Variants in RASAL2 observed in about 807,000 individuals in gnomAD.
RASAL2 encodes RAS protein activator like 2.
RASAL2 carries 58 observed loss-of-function variants against 128.9 expected under a neutral mutation model. That is an observed-to-expected ratio of 0.45 (90% CI 0.36 to 0.56). RASAL2 has a LOEUF of 0.56. RASAL2 is among the 20% of genes least tolerant of loss of function. The pLI is 0.00. For missense variants in RASAL2, 1,360 were observed against 1,601.6 expected, an observed-to-expected ratio of 0.85 and a Z score of 2.57; for synonymous variants, 561 against 580.8, an observed-to-expected ratio of 0.97 and a Z score of 0.49.
intron 1 of RASAL2, among the ~76,000 whole-genome samples, chr1:178,265,537 A>G (rs1665908026): frequency 6.6e-6 from 1 of 152,252 alleles, no homozygotes; most frequent in Non-Finnish European, 1.5e-5. Flanking sequence ...CTAAAAGAGT[A>G]GGTATTTTTA....
intron 3 of RASAL2, among the ~76,000 whole-genome samples, chr1:178,380,556 A>T (rs1310972246): frequency 6.6e-6 from 1 of 152,208 alleles, no homozygotes; most frequent in Non-Finnish European, 1.5e-5. Context: ...AGTCATGATT[A>T]TAAGCACATG....
At chr1:178,396,566 A>T (rs1216526855) in intron 4 of RASAL2, among the ~76,000 whole-genome samples, 1 of 152,072 alleles carries the variant, frequency 6.6e-6, no homozygotes, top group Non-Finnish European at 1.5e-5. Context: ...ATATATATAT[A>T]TTTTGGTCTT....
At position 178,382,077 on chromosome 1, in the gene RASAL2, T is replaced by A. The variant is rs74131336; in HGVS notation, c.458-8023T>A. Among the ~76,000 whole-genome samples the A allele has an allele frequency of 5.5e-3, 845 of 152,332 alleles. 11 individuals carry two copies. Among genetic ancestry groups the A allele is most frequent in the African/African-American group, 0.019 (790 of 41,580 alleles). On this transcript the variant is annotated intron_variant, in intron 3 of 17. Coordinates refer to ENST00000367649, the MANE Select transcript of RASAL2 (RefSeq NM_170692.4). ...CTAAAATATTAATGCTTTTTATCTC[T>A]GTTCATCTCATACAACTTATCTAAG...
chr1:178,378,052 A>G (rs1672085942), intron 3 of RASAL2, among the ~76,000 whole-genome samples: 1 of 151,990 alleles, frequency 6.6e-6, no homozygotes, highest in Admixed American at 6.5e-5. Flanking sequence ...GGAAAAAAAT[A>G]GAAAATACAG....
At chr1:178,455,243 C>T (rs1677686293) in intron 12 of RASAL2, among the ~76,000 whole-genome samples, 2 of 152,220 alleles carry the variant, frequency 1.3e-5, no homozygotes, top group East Asian at 1.9e-4. Context: ...CCATGCCAAT[C>T]ATTTTCTTCC....
chr1:178,405,716 G>A (rs1259088579), intron 4 of RASAL2, among the ~76,000 whole-genome samples: 1 of 152,156 alleles, frequency 6.6e-6, no homozygotes, highest in Non-Finnish European at 1.5e-5. Context: ...ACTTCTGATC[G>A]ATAGAACTGT....
At chr1:178,279,717 T>G (rs546897785) in intron 1 of RASAL2, among the ~76,000 whole-genome samples, 1 of 152,140 alleles carries the variant, frequency 6.6e-6, no homozygotes, top group Non-Finnish European at 1.5e-5. Flanking sequence ...ACTTATCACT[T>G]CAGGGAAACA....
intron 1 of RASAL2, among the ~76,000 whole-genome samples, chr1:178,249,339 G>C (rs566758136): frequency 6.6e-6 from 1 of 151,786 alleles, no homozygotes; most frequent in Admixed American, 6.6e-5. Flanking sequence ...TTCAGCTATA[G>C]ATACTTGTGT....
chr1:178,189,031 G>C (rs1025762284), intron 1 of RASAL2, among the ~76,000 whole-genome samples: 1 of 152,092 alleles, frequency 6.6e-6, no homozygotes, highest in Non-Finnish European at 1.5e-5. Context: ...AATTATTGTG[G>C]TTCGCTTCAA....
chr1:178,340,299 G>A (rs1461022583), intron 3 of RASAL2, among the ~76,000 whole-genome samples: 3 of 152,076 alleles, frequency 2.0e-5, no homozygotes, highest in African/African-American at 7.2e-5. Context: ...GCTTTAATGT[G>A]GCAGGTGGAG....
At chr1:178,232,427 T>C (rs923622000) in intron 1 of RASAL2, among the ~76,000 whole-genome samples, 6 of 152,224 alleles carry the variant, frequency 3.9e-5, no homozygotes, top group African/African-American at 1.4e-4. Context: ...TAGCAAACTT[T>C]CTTCTTCCAG....
rs1182569588 is a variant in RASAL2, at chr1:178,457,971, C to G, written c.2679C>G (p.Thr893=). ...QVASIKQLRE[T]QSTPQSAPQV... The stretch of plus-strand genomic sequence containing the variant: ...CCAGCATCAAACAGCTGCGGGAAAC[C>G]CAGAGCACTCCCCAAAGTGCACCCC... Residue 893 remains threonine (T), a synonymous_variant, in exon 14 of 18, where the codon ACC becomes ACG. Coordinates refer to ENST00000367649, the MANE Select transcript of RASAL2 (RefSeq NM_170692.4). The G allele has an allele frequency of 1.2e-6, 2 of 1,614,112 alleles. No homozygotes were observed. Among genetic ancestry groups the G allele is most frequent in the Non-Finnish European group, 1.7e-6 (2 of 1,180,034 alleles).
intron 3 of RASAL2, among the ~76,000 whole-genome samples, chr1:178,303,554 A>T (rs937175123): frequency 2.6e-5 from 4 of 151,878 alleles, no homozygotes; most frequent in African/African-American, 9.7e-5. Flanking sequence ...CCTGGGCTGC[A>T]TGCAGCCCAT....
intron 1 of RASAL2, among the ~76,000 whole-genome samples, chr1:178,273,927 G>C (rs1438945355): frequency 1.3e-5 from 2 of 152,094 alleles, no homozygotes; most frequent in Non-Finnish European, 2.9e-5. Context: ...ATCGAATTGG[G>C]TTATCTAATT....
At chr1:178,459,261 T>A (rs1055341182) in intron 14 of RASAL2, among the ~76,000 whole-genome samples, 20 of 152,266 alleles carry the variant, frequency 1.3e-4, no homozygotes, top group African/African-American at 4.8e-4. Context: ...TAATCATTTC[T>A]TCCTTAAATA....
chr1:178,142,970 C>T (rs1051688927), intron 1 of RASAL2, among the ~76,000 whole-genome samples: 8 of 151,830 alleles, frequency 5.3e-5, no homozygotes, highest in African/African-American at 1.2e-4. Context: ...CTTTGTTCTC[C>T]TGAAGGAGCT....
chr1:178,405,242 A>G (rs1673925445), intron 4 of RASAL2, among the ~76,000 whole-genome samples: 1 of 152,218 alleles, frequency 6.6e-6, no homozygotes, highest in South Asian at 2.1e-4. Context: ...ACACATATGC[A>G]CAAAGTTATT....
intron 14 of RASAL2, among the ~76,000 whole-genome samples, chr1:178,462,671 C>G (rs190191014): frequency 2.0e-5 from 3 of 152,128 alleles, no homozygotes; most frequent in Admixed American, 1.3e-4. Flanking sequence ...TATTTTGTCA[C>G]TTTTATTTTT....
intron 4 of RASAL2, among the ~76,000 whole-genome samples, chr1:178,400,120 T>C (rs1673517217): frequency 6.6e-6 from 1 of 152,212 alleles, no homozygotes; most frequent in Non-Finnish European, 1.5e-5. Flanking sequence ...TGAAGGCTTT[T>C]GAGTTGAACT....
Sources: gnomAD v4.1 joint callset for allele counts (sites outside exome capture counted in the v4.1 genomes callset) on GRCh38, gnomAD v4.1.1 for gene constraint, MANE v1.5 for transcripts, NCBI Gene and HGNC (gene_info 2026-07-23, HGNC 2026-07-21) for gene names.